Variants in PIGO observed in about 807,000 individuals in gnomAD.
The protein encoded by PIGO is GPI ethanolamine phosphate transferase 3, catalytic subunit.
In PIGO, 66 loss-of-function variants were observed where a neutral mutation model predicts 86.9. The observed-to-expected ratio is 0.76, with a 90% CI of 0.62 to 0.93. The LOEUF is 0.93. Ranked by LOEUF, PIGO falls within the 40% of genes least tolerant of loss-of-function variation. The pLI, the probability that PIGO is intolerant of heterozygous loss-of-function variation, is 0.00. For synonymous variants in PIGO, 570 were observed against 556.4 expected (o/e 1.02, Z -0.34); for missense variants, 1,202 against 1,359.1 (o/e 0.88, Z 1.82).
chr9:35,091,781 G>C lies in PIGO; in HGVS notation c.2106C>G (p.Leu702=), dbSNP rs1829433013. Reference sequence around the variant, plus strand: ...TTAGGGGCAGTCCCCAGCGCACAAAGAGCATGGGTGGCTCGGGGCTCTTGA... The same window carrying C: ...TTAGGGGCAGTCCCCAGCGCACAAACAGCATGGGTGGCTCGGGGCTCTTGA... ...GNLKSPEPPM[L]FVRWGLPLMA... The change falls in exon 7 of 11, where the codon CTC becomes CTG. Residue 702 remains leucine, a synonymous_variant. Transcript: ENST00000378617. 2.5e-6 allele frequency: 4 copies of C among 1,612,772 alleles called. No homozygotes were observed. Among genetic ancestry groups the C allele is most frequent in the Non-Finnish European group, 3.4e-6 (4 of 1,180,036 alleles).
In PIGO at chr9:35,088,972, G is replaced by T; in HGVS notation, c.*120C>A. 1 of 1,381,334 alleles carries T rather than the reference G, an allele frequency of 7.2e-7. No individual in the cohort carries two copies. The highest frequency in any genetic ancestry group is 9.9e-7 in the Non-Finnish European group (1 of 1,012,140). 85.6% of individuals were successfully genotyped at this position (1,381,334 alleles called of 1,614,324 possible). A position where few individuals can be genotyped will look rare whatever the true frequency, so the allele number is the denominator to read the frequency against. On this transcript the variant is annotated 3_prime_UTR_variant, in exon 11 of 11. Coordinates refer to ENST00000378617, the MANE Select transcript of PIGO (RefSeq NM_032634.4). ...AAGTCCTAGATGTCAGCGGCCCCTG[G>T]CTGCATGATAGTAAGAGTATGGCTG...
At position 35,091,708 on chromosome 9, in the gene PIGO, C is replaced by T; in HGVS notation, c.2179G>A (p.Glu727Lys). Residue 727 changes from glutamate (E) to lysine (K), a missense_variant, in exon 7 of 11, where the codon GAG becomes AAG. Physicochemically the swap from Glu to Lys is moderately conservative, Grantham distance 56 (BLOSUM62 1). Transcript: ENST00000378617. ...AYWALASGAD[E>K]APPRLRVLVS... The stretch of plus-strand genomic sequence containing the variant: ...AGGACCCGGAGACGGGGGGGAGCCT[C>T]ATCTGCCCCCGACGCCAATGCCCAG... 1 of 1,612,314 alleles carries T rather than the reference C, an allele frequency of 6.2e-7. No homozygotes were observed. The highest frequency in any genetic ancestry group is 8.5e-7 in the Non-Finnish European group (1 of 1,180,028).
At chr9:35,094,057 T>C (rs1829558818) in intron 3 of PIGO, 33 bp from the exon 4 acceptor site, 1 of 1,604,006 alleles carries the variant, frequency 6.2e-7, no homozygotes, top group Non-Finnish European at 8.5e-7. Context: ...CACAGAAGAC[T>C]AAGACCCACT....
chr9:35,089,766 T>C, intron 9 of PIGO: 7 of 1,390,026 alleles, frequency 5.0e-6, no homozygotes, highest in South Asian at 1.6e-5. Flanking sequence ...TGACCACAGT[T>C]TGGGAAGAAA....
At chr9:35,090,333 G>T (rs1563994280) in intron 8 of PIGO, 53 bp from the exon 9 acceptor site, 2 of 1,591,452 alleles carry the variant, frequency 1.3e-6, no homozygotes, top group Non-Finnish European at 1.7e-6. Flanking sequence ...GGCTGGCTCA[G>T]GTTCCAATTA....
At chr9:35,093,614 G>A (rs749716240) in intron 4 of PIGO, 34 bp from the exon 5 acceptor site, 8 of 1,557,502 alleles carry the variant, frequency 5.1e-6, no homozygotes, top group East Asian at 4.5e-5. Context: ...GAGTAGAAAC[G>A]GATAAATATT....
At position 35,094,348 on chromosome 9, in the gene PIGO, C is replaced by A. The variant is rs1829572491; in HGVS notation, c.523G>T (p.Val175Phe). The A allele has an allele frequency of 1.9e-6, 3 of 1,602,696 alleles. No homozygotes were observed. Among genetic ancestry groups the A allele is most frequent in the Non-Finnish European group, 2.5e-6 (3 of 1,177,164 alleles). ...KQLTSAGRRV[V>F]FMGDDTWKDL... ...TTCCAGGTATCATCTCCCATGAAGA[C>A]TACACGCCTTCCTGCAGGGACATGA... The change falls in exon 3 of 11, where the codon GTC becomes TTC. Residue 175 changes from valine to phenylalanine, a missense_variant. Coordinates refer to ENST00000378617, the MANE Select transcript of PIGO (RefSeq NM_032634.4).
At chr9:35,093,653 C>T in intron 4 of PIGO, 73 bp from the exon 5 acceptor site, 1 of 1,486,284 alleles carries the variant, frequency 6.7e-7, no homozygotes, top group Non-Finnish European at 9.0e-7. Context: ...GATTTTTCTC[C>T]AGGGGCCTAT....
At chr9:35,095,800 G>A in intron 1 of PIGO, 1 of 479,748 alleles carries the variant, frequency 2.1e-6, no homozygotes, top group Non-Finnish European at 3.5e-6. Context: ...GATCACCTGA[G>A]GTGAGGAGTT....
At position 35,090,442 on chromosome 9, in the gene PIGO, A is replaced by C. The variant is rs775519531; in HGVS notation, c.2854+24T>G. 4 of 1,597,480 alleles carry C rather than the reference A, an allele frequency of 2.5e-6. No individual in the cohort carries two copies. In the African/African-American group the frequency reaches 5.4e-5, roughly 21 times the overall value. On this transcript the variant is annotated intron_variant, in intron 8 of 10. Coordinates refer to ENST00000378617, the MANE Select transcript of PIGO (RefSeq NM_032634.4). ...CCACAAAGCCAGAGTAAACAATGGAAGCAAGTGAAGGAGGAGGGGGTACCT... is the reference window on the plus strand; with the variant it reads ...CCACAAAGCCAGAGTAAACAATGGACGCAAGTGAAGGAGGAGGGGGTACCT...
rs561156571 is a variant in PIGO, at chr9:35,091,838, G to A, written c.2049C>T (p.Ala683=). The change falls in exon 7 of 11, where the codon GCC becomes GCT. Residue 683 remains alanine, a synonymous_variant. Coordinates refer to ENST00000378617, the MANE Select transcript of PIGO (RefSeq NM_032634.4). ...CVAALVALLA[A]VRLWLRRYGN... ...CATAGCGGCGAAGCCACAAGCGCACGGCAGCTAACAGGGCCACCAGCGCCG... is the reference window on the plus strand; with the variant it reads ...CATAGCGGCGAAGCCACAAGCGCACAGCAGCTAACAGGGCCACCAGCGCCG... 3.7e-5 allele frequency: 59 copies of A among 1,613,894 alleles called. No individual in the cohort carries two copies. Among genetic ancestry groups the A allele is most frequent in the Non-Finnish European group, 4.1e-5 (48 of 1,180,044 alleles).
rs768338180 is a variant in PIGO at position 35,090,459 on chromosome 9, G to T, written c.2854+7C>A. 195 of 1,605,918 alleles carry T rather than the reference G, an allele frequency of 1.2e-4. No homozygotes were observed. The Middle Eastern group carries it at 4.5e-3, about 37-fold the overall frequency. On this transcript the variant is annotated splice_region_variant and intron_variant, in intron 8 of 10. Transcript: ENST00000378617. Reference sequence around the variant, plus strand: ...ACAATGGAAGCAAGTGAAGGAGGAGGGGGTACCTGCAAAGAGGAGGTGGGA... The same window carrying T: ...ACAATGGAAGCAAGTGAAGGAGGAGTGGGTACCTGCAAAGAGGAGGTGGGA...
rs759436915 is a variant in PIGO, at chr9:35,089,374, AC to A, written c.3140+5del. 6.2e-7 allele frequency: 1 copy of A among 1,614,086 alleles called. No homozygotes were observed. Among genetic ancestry groups the A allele is most frequent in the Non-Finnish European group, 8.5e-7 (1 of 1,180,030 alleles). The stretch of plus-strand genomic sequence containing the variant: ...CCACCTCTACTTCTCAAGCAAATCT[AC>A]TCACTTAGGGGCAAACACTTTCCAG... On this transcript the variant is annotated splice_donor_5th_base_variant and intron_variant, in intron 10 of 10. Coordinates refer to ENST00000378617, the MANE Select transcript of PIGO (RefSeq NM_032634.4).
Position 35,089,184 on chromosome 9 carries a change from C to G in PIGO, c.3178G>C (p.Val1060Leu), listed in dbSNP as rs551920425. The change falls in exon 11 of 11, where the codon GTG becomes CTG. Residue 1060 changes from valine (V) to leucine (L), a missense_variant. Transcript: ENST00000378617. ...FEAVGFIVSS[V>L]GLLLGIALVM... is the part of the protein sequence containing the mutation. Reference sequence around the variant, plus strand: ...AAAGCTATGCCCAGGAGAAGTCCCACGCTGCTCACAATGAAGCCCACAGCC... The same window carrying G: ...AAAGCTATGCCCAGGAGAAGTCCCAGGCTGCTCACAATGAAGCCCACAGCC... 1.9e-6 allele frequency: 3 copies of G among 1,614,082 alleles called. No individual in the cohort carries two copies. Among genetic ancestry groups the G allele is most frequent in the Non-Finnish European group, 2.5e-6 (3 of 1,180,050 alleles).
rs1190969124 is a variant in PIGO, at chr9:35,091,226, G to A, written c.2647+14C>T. ...CACTATTGTCTTTAAGTGAATCAGA[G>A]CTGAGATATTTACCAGGGGTGGTGA... On this transcript the variant is annotated intron_variant, in intron 7 of 10. Transcript: ENST00000378617. The A allele has an allele frequency of 3.2e-6, 5 of 1,571,624 alleles. No homozygotes were observed. The Admixed American group carries it at 5.4e-5, about 17-fold the overall frequency.
rs755621448 is a variant in PIGO, at chr9:35,094,272, T to C, written c.599A>G (p.Asn200Ser). The change falls in exon 3 of 11, where the codon AAT (asparagine) becomes AGT (serine). Residue 200 changes from asparagine (N) to serine (S), a missense_variant. Coordinates refer to ENST00000378617, the MANE Select transcript of PIGO (RefSeq NM_032634.4). ...FSKAFFFPSF[N>S]VRDLDTVDNG... is the part of the protein sequence containing the mutation. ...GTCCACTGTGTCTAGGTCTCTGACA[T>C]TGAAGGATGGGAAGAAGAAAGCTTT... The C allele has an allele frequency of 1.6e-5, 26 of 1,607,768 alleles. No individual in the cohort carries two copies. The highest frequency in any genetic ancestry group is 5.2e-5 in the Admixed American group (3 of 57,372).
chr9:35,091,142 C>T, intron 7 of PIGO, 98 bp downstream of exon 7: 1 of 1,364,564 alleles, frequency 7.3e-7, no homozygotes, highest in Non-Finnish European at 9.9e-7. Context: ...GACCCTCTGT[C>T]AAGCTCAGGA....
rs749705763 is a variant in PIGO at position 35,092,718 on chromosome 9, G to T, written c.1169C>A (p.Ala390Asp). Residue 390 changes from alanine (A) to aspartate (D), a missense_variant, in exon 7 of 11, where the codon GCT becomes GAT. Transcript: ENST00000378617. ...TYSAATQDLQ[A>D]KELHQLQNLF... ...GTTCTGCAGCTGATGAAGCTCCTTA[G>T]CTTGAAGGTCCTGAGTAGCAGCTGA... The T allele has an allele frequency of 6.2e-6, 10 of 1,613,536 alleles. No homozygotes were observed. The highest frequency in any genetic ancestry group is 8.5e-6 in the Non-Finnish European group (10 of 1,179,950).
rs995820474 is a variant in PIGO, at chr9:35,095,294, G to C, written c.272C>G (p.Pro91Arg). The change falls in exon 2 of 11, where the codon CCT becomes CGT. Residue 91 changes from proline (P) to arginine (R), a missense_variant. Transcript: ENST00000378617. ...DFAQPQHSHV[P>R]REPPVSLPFL... Reference sequence around the variant, plus strand: ...GGGTAGGGAGACAGGAGGCTCTCTAGGCACGTGTGAATGCTGGGGCTGGGC... The same window carrying C: ...GGGTAGGGAGACAGGAGGCTCTCTACGCACGTGTGAATGCTGGGGCTGGGC... The C allele has an allele frequency of 1.3e-5, 21 of 1,614,078 alleles. No homozygotes were observed. Among genetic ancestry groups the C allele is most frequent in the Admixed American group, 3.3e-5 (2 of 59,992 alleles).
Sources: gnomAD v4.1 joint callset for allele counts on GRCh38, gnomAD v4.1.1 for gene constraint, MANE v1.5 for transcripts, NCBI Gene and HGNC (gene_info 2026-07-23, HGNC 2026-07-21) for gene names.